PDGFD: variants seen among roughly 807,000 people sequenced by gnomAD.
PDGFD encodes the protein platelet derived growth factor D, also known as platelet-derived growth factor D.
PDGFD carries 30 observed loss-of-function variants against 44.7 expected under a neutral mutation model. The observed-to-expected ratio is 0.67, with a 90% CI of 0.50 to 0.91. The LOEUF (loss-of-function observed/expected upper bound fraction) is 0.91, where lower values mean the gene tolerates loss of function less well. Ranked by LOEUF, PDGFD falls within the 40% of genes least tolerant of loss-of-function variation. PDGFD has a pLI of 0.00. For synonymous variants in PDGFD, 173 were observed against 168.4 expected, an observed-to-expected ratio of 1.03 and a Z score of -0.21; for missense variants, 445 against 457.8, an observed-to-expected ratio of 0.97 and a Z score of 0.25.
At chr11:104,125,415 T>A (rs1024270735) in intron 1 of PDGFD, among the ~76,000 whole-genome samples, 1 of 152,140 alleles carries the variant, frequency 6.6e-6, no homozygotes, top group Non-Finnish European at 1.5e-5. Flanking sequence ...ATGCACCTTT[T>A]TTCTGTCTAT....
chr11:104,015,876 C>T (rs924358317), intron 1 of PDGFD, among the ~76,000 whole-genome samples: 1 of 152,078 alleles, frequency 6.6e-6, no homozygotes. Context: ...AAAGAGCTCA[C>T]GTGGAAACAA....
intron 1 of PDGFD, among the ~76,000 whole-genome samples, chr11:104,140,637 C>T (rs1862071617): frequency 2.0e-5 from 3 of 152,080 alleles, no homozygotes; most frequent in East Asian, 3.9e-4. Context: ...CAATGTAGAT[C>T]ACTCCAATGC....
At chr11:103,983,692 G>T (rs1859307555) in intron 3 of PDGFD, among the ~76,000 whole-genome samples, 1 of 151,668 alleles carries the variant, frequency 6.6e-6, no homozygotes, top group Non-Finnish European at 1.5e-5. Context: ...CTAATATCCA[G>T]ACTCTATAAG....
rs547574076 is a variant in PDGFD at position 103,926,089 on chromosome 11, G to T, written c.987+823C>A. Among the ~76,000 whole-genome samples the T allele has an allele frequency of 5.7e-4, 85 of 150,308 alleles. 2 individuals are homozygous for T. The South Asian group carries it at 0.017, about 30-fold the overall frequency. On this transcript the variant is annotated intron_variant, in intron 6 of 6. Coordinates refer to ENST00000393158, the MANE Select transcript of PDGFD (RefSeq NM_025208.5). ...AGTGATAAGAAAAACCATAGACCCT[G>T]GAACCAGTGGATTGGAGTTGGAGTC...
At chr11:104,015,876 C>G (rs924358317) in intron 1 of PDGFD, among the ~76,000 whole-genome samples, 1 of 152,078 alleles carries the variant, frequency 6.6e-6, no homozygotes, top group Non-Finnish European at 1.5e-5. Context: ...AAAGAGCTCA[C>G]GTGGAAACAA....
intron 1 of PDGFD, among the ~76,000 whole-genome samples, chr11:104,155,867 C>A (rs527637892): frequency 1.4e-4 from 22 of 152,210 alleles, no homozygotes; most frequent in Non-Finnish European, 2.9e-4. Flanking sequence ...TTTTCAGAAC[C>A]AACACAGCAC....
chr11:103,933,455 T>C (rs1858437820), intron 5 of PDGFD, among the ~76,000 whole-genome samples: 1 of 152,242 alleles, frequency 6.6e-6, no homozygotes, highest in Admixed American at 6.5e-5. Context: ...ACTATCAGGA[T>C]ACTTTAACTT....
chr11:104,000,393 TAAAC>T (rs1207541356), intron 1 of PDGFD, 138 bp from the exon 2 acceptor site: 3 of 732,378 alleles, frequency 4.1e-6, no homozygotes, highest in Non-Finnish European at 6.7e-6. Flanking sequence ...TAAATGCAAA[TAAAC>T]AAACTTTTTT....
At chr11:103,990,708 T>C (rs1161522108) in intron 3 of PDGFD, among the ~76,000 whole-genome samples, 1 of 152,172 alleles carries the variant, frequency 6.6e-6, no homozygotes, top group Admixed American at 6.6e-5. Context: ...CAGAATCTGC[T>C]GTAGGGATTA....
intron 3 of PDGFD, among the ~76,000 whole-genome samples, chr11:103,956,279 T>G (rs953202926): frequency 2.0e-5 from 3 of 151,582 alleles, no homozygotes; most frequent in Admixed American, 6.6e-5. Context: ...GTTCTCATTG[T>G]TCAATTCCCA....
intron 3 of PDGFD, among the ~76,000 whole-genome samples, chr11:103,960,166 C>T (rs1175899455): frequency 1.3e-5 from 2 of 152,142 alleles, no homozygotes; most frequent in African/African-American, 4.8e-5. Flanking sequence ...CCATATTCAT[C>T]CAAACCAAAT....
intron 3 of PDGFD, among the ~76,000 whole-genome samples, chr11:103,988,505 CT>C: frequency 6.6e-6 from 1 of 152,130 alleles, no homozygotes; most frequent in Non-Finnish European, 1.5e-5. Flanking sequence ...TGTGTCAGGA[CT>C]AGTCAACATG....
At chr11:103,954,193 G>A (rs937937827) in intron 3 of PDGFD, among the ~76,000 whole-genome samples, 1 of 152,202 alleles carries the variant, frequency 6.6e-6, no homozygotes, top group Non-Finnish European at 1.5e-5. Flanking sequence ...TTGGGCCCAT[G>A]CCAGAGAGGA....
chr11:104,095,940 C>G (rs1861279470), intron 1 of PDGFD, among the ~76,000 whole-genome samples: 1 of 152,080 alleles, frequency 6.6e-6, no homozygotes, highest in African/African-American at 2.4e-5. Context: ...GCAGATTATT[C>G]CACAGCCTGT....
intron 1 of PDGFD, among the ~76,000 whole-genome samples, chr11:104,061,555 TAC>T (rs1860717710): frequency 6.6e-6 from 1 of 152,230 alleles, no homozygotes; most frequent in Non-Finnish European, 1.5e-5. Context: ...TCCAATGAAA[TAC>T]AGTGTGTGTA....
At chr11:104,075,884 T>C (rs1860950806) in intron 1 of PDGFD, among the ~76,000 whole-genome samples, 1 of 152,132 alleles carries the variant, frequency 6.6e-6, no homozygotes, top group African/African-American at 2.4e-5. Flanking sequence ...GGCCTCTTAA[T>C]GGAACTTCCT....
intron 1 of PDGFD, among the ~76,000 whole-genome samples, chr11:104,106,808 A>G (rs891296552): frequency 2.7e-5 from 4 of 150,360 alleles, no homozygotes; most frequent in African/African-American, 7.4e-5. Context: ...CCGTGGCATG[A>G]TCTCGGCTCA....
chr11:103,912,555 G>A (rs917554222), intron 6 of PDGFD, among the ~76,000 whole-genome samples: 2 of 152,182 alleles, frequency 1.3e-5, no homozygotes, highest in African/African-American at 4.8e-5. Context: ...TTGATGCTAT[G>A]AAGAAAGTGC....
intron 1 of PDGFD, chr11:104,038,062 C>A (rs2134396448): frequency 6.5e-7 from 1 of 1,526,850 alleles, no homozygotes; most frequent in Non-Finnish European, 8.9e-7. Flanking sequence ...AGGTCCCCGG[C>A]AATTATAAGT....
Sources: gnomAD v4.1 joint callset for allele counts (sites outside exome capture counted in the v4.1 genomes callset) on GRCh38, gnomAD v4.1.1 for gene constraint, MANE v1.5 for transcripts, NCBI Gene and HGNC (gene_info 2026-07-23, HGNC 2026-07-21) for gene names.